The following STARD9 variants were observed in gnomAD, a reference collection of about 807,000 sequenced individuals.
STARD9 encodes stAR-related lipid transfer protein 9.
STARD9 carries 346 observed loss-of-function variants against 399.8 expected under a neutral mutation model. The ratio of observed to expected loss-of-function variants is 0.87; its 90% CI spans 0.79 to 0.95. The LOEUF (loss-of-function observed/expected upper bound fraction) is 0.95. Ranked by LOEUF, STARD9 falls within the 40% of genes least tolerant of loss-of-function variation. The probability of loss-of-function intolerance (pLI) is 0.00; values close to 1 mark genes in which losing one functional copy is unlikely to be tolerated. For synonymous variants in STARD9, 2,203 were observed against 2,143.5 expected (o/e 1.03, Z -0.77); for missense variants, 5,832 against 5,667.5 (o/e 1.03, Z -0.93).
intron 4 of STARD9, among the ~76,000 whole-genome samples, chr15:42,636,745 G>A (rs755276157): frequency 6.6e-6 from 1 of 152,090 alleles, no homozygotes; most frequent in Admixed American, 6.5e-5. Context: ...CCTGTGTTTA[G>A]TGTGATTTCA....
At chr15:42,575,794 T>C (rs1311230439) in intron 1 of STARD9, 32 bp downstream of exon 1, 1 of 1,535,516 alleles carries the variant, frequency 6.5e-7, no homozygotes, top group Non-Finnish European at 8.7e-7. Context: ...CGCCTGAGGC[T>C]TCACAGGAGC....
At chr15:42,577,389 G>A (rs1385684452) in intron 1 of STARD9, among the ~76,000 whole-genome samples, 1 of 152,160 alleles carries the variant, frequency 6.6e-6, no homozygotes, top group East Asian at 1.9e-4. Flanking sequence ...TCCTGACCTC[G>A]TGATCTGCCC....
chr15:42,691,977 A>C lies in STARD9; in HGVS notation c.10399A>C (p.Ser3467Arg). Residue 3467 changes from serine to arginine, a missense_variant, in exon 23 of 33, where the codon AGT (serine) becomes CGT (arginine). Ser to Arg is a moderately radical substitution (Grantham distance 110). Transcript: ENST00000290607. The part of the protein sequence containing the change: ...GMLHFGSSDI[S>R]PYALPWRPEE... ...GCTGCACTTTGGCTCCAGTGACATCAGTCCCTATGCGCTGCCGTGGCGTCC... is the reference window on the plus strand; with the variant it reads ...GCTGCACTTTGGCTCCAGTGACATCCGTCCCTATGCGCTGCCGTGGCGTCC... 1.3e-6 allele frequency: 2 copies of C among 1,537,284 alleles called. No individual in the cohort carries two copies. Among genetic ancestry groups the C allele is most frequent in the Non-Finnish European group, 1.7e-6 (2 of 1,146,908 alleles).
At chr15:42,592,692 C>A (rs1294824363) in intron 3 of STARD9, among the ~76,000 whole-genome samples, 1 of 152,206 alleles carries the variant, frequency 6.6e-6, no homozygotes, top group Admixed American at 6.5e-5. Flanking sequence ...GATCTGCCCA[C>A]CTCAGCCTCC....
chr15:42,626,468 C>T (rs2059225014), intron 3 of STARD9, among the ~76,000 whole-genome samples: 1 of 149,784 alleles, frequency 6.7e-6, no homozygotes, highest in Admixed American at 6.7e-5. Context: ...TCTCCTCTTC[C>T]TCCTCTTCAT....
intron 26 of STARD9, among the ~76,000 whole-genome samples, chr15:42,704,398 C>T (rs990224475): frequency 6.6e-6 from 1 of 152,110 alleles, no homozygotes; most frequent in African/African-American, 2.4e-5. Flanking sequence ...GGTCATAGTT[C>T]CCTTAATGTT....
At chr15:42,679,325 A>G (rs1182214635) in intron 20 of STARD9, among the ~76,000 whole-genome samples, 1 of 152,228 alleles carries the variant, frequency 6.6e-6, no homozygotes, top group Admixed American at 6.5e-5. Flanking sequence ...TCCAGTTGCT[A>G]TCCTGAGCCT....
intron 16 of STARD9, chr15:42,671,261 T>C (rs542290346): frequency 3.3e-5 from 5 of 151,038 alleles, no homozygotes; most frequent in African/African-American, 7.3e-5. Context: ...GCCTCCTGCA[T>C]AGCTGGGATT....
rs993807278 is a variant in STARD9 at position 42,716,176 on chromosome 15, C to T, written c.13285-501C>T. Among the ~76,000 whole-genome samples the T allele has an allele frequency of 5.3e-5, 8 of 152,242 alleles. No homozygotes were observed. The South Asian group carries it at 1.2e-3, about 24-fold the overall frequency. Reference sequence around the variant, plus strand: ...CCACATTGCAGATCCAGAGGGTAACCCCATCTAATCCCCAGTTAGGACCTT... The same window carrying T: ...CCACATTGCAGATCCAGAGGGTAACTCCATCTAATCCCCAGTTAGGACCTT... On this transcript the variant is annotated intron_variant, in intron 26 of 32. Coordinates refer to ENST00000290607, the MANE Select transcript of STARD9 (RefSeq NM_020759.3).
chr15:42,626,387 T>TTCCTCTTCCTCC (rs2059219900), intron 3 of STARD9, among the ~76,000 whole-genome samples: 1 of 147,748 alleles, frequency 6.8e-6, no homozygotes, highest in South Asian at 2.3e-4. Flanking sequence ...CTTCCTCCTC[T>TTCCTCTTCCTCC]TCCTCTTCCT....
intron 3 of STARD9, among the ~76,000 whole-genome samples, chr15:42,608,921 A>G (rs148929356): frequency 1.3e-5 from 2 of 152,338 alleles, no homozygotes; most frequent in East Asian, 3.9e-4. Context: ...TTATGTATTC[A>G]TGTATTCAGT....
At chr15:42,716,881 C>T in intron 27 of STARD9, 46 bp from the exon 28 acceptor site, 2 of 1,536,288 alleles carry the variant, frequency 1.3e-6, no homozygotes, top group Non-Finnish European at 8.7e-7. Flanking sequence ...TGTCCTGAGG[C>T]CCTGATGTTC....
Position 42,684,799 on chromosome 15 carries a change from C to A in STARD9, c.3221C>A (p.Thr1074Lys), listed in dbSNP as rs1292000560. 6.5e-7 allele frequency: 1 copy of A among 1,537,206 alleles called. No homozygotes were observed. Among genetic ancestry groups the A allele is most frequent in the South Asian group, 1.2e-5 (1 of 84,050 alleles). ...LGSPLKRQQNTRDPDTMVPLT... is the reference protein window; with the variant it reads ...LGSPLKRQQNKRDPDTMVPLT... ...AGTCCTTTGAAGAGACAACAAAATA[C>A]AAGGGACCCAGACACCATGGTCCCA... The change falls in exon 23 of 33, where the codon ACA (threonine) becomes AAA (lysine). Residue 1074 changes from threonine to lysine, a missense_variant. Thr to Lys is a moderately conservative substitution (Grantham distance 78). Around this residue, in one of 2 missense-constraint regions of STARD9, gnomAD observed 5,828 missense variants for 5,651.1 expected, o/e 1.03. Transcript: ENST00000290607.
At chr15:42,588,332 A>G (rs1266827114) in intron 3 of STARD9, among the ~76,000 whole-genome samples, 1 of 152,164 alleles carries the variant, frequency 6.6e-6, no homozygotes, top group Non-Finnish European at 1.5e-5. Flanking sequence ...GTGAAAGCCC[A>G]AAAGGCCATA....
intron 15 of STARD9, among the ~76,000 whole-genome samples, chr15:42,666,909 G>A (rs892983706): frequency 6.6e-6 from 1 of 151,798 alleles, no homozygotes; most frequent in African/African-American, 2.4e-5. Context: ...CCGCCTTCCA[G>A]GTTCAAGTGA....
chr15:42,639,463 C>T (rs1331486379), intron 7 of STARD9, among the ~76,000 whole-genome samples: 1 of 152,140 alleles, frequency 6.6e-6, no homozygotes, highest in Non-Finnish European at 1.5e-5. Flanking sequence ...GTGTTTGGTG[C>T]TTGGTACCAT....
chr15:42,699,392 C>CTTTTCTTTTTTTT lies in STARD9; in HGVS notation c.13284+3516_13284+3517insCTTTTTTTTTTTT, dbSNP rs1359323091. Among the ~76,000 whole-genome samples the CTTTTCTTTTTTTT allele has an allele frequency of 4.1e-4, 47 of 113,292 alleles. 3 individuals carry two copies. Among genetic ancestry groups the CTTTTCTTTTTTTT allele is most frequent in the African/African-American group, 1.9e-3 (46 of 24,552 alleles). 74.3% of individuals were successfully genotyped at this position (113,292 alleles called of 152,430 possible). The stretch of plus-strand genomic sequence containing the variant: ...TCTATGAGATCAACTTTTTTCTTTT[C>CTTTTCTTTTTTTT]TTTTTTTTTTTTTTTTTTTTGAGAT... On this transcript the variant is annotated intron_variant, in intron 26 of 32. Transcript: ENST00000290607.
chr15:42,669,683 A>C, intron 16 of STARD9: 1 of 186,134 alleles, frequency 5.4e-6, no homozygotes. Flanking sequence ...ATAGGGGTAT[A>C]GTCATGGAGA....
chr15:42,614,875 G>A (rs947794319), intron 3 of STARD9, among the ~76,000 whole-genome samples: 1 of 152,072 alleles, frequency 6.6e-6, no homozygotes, highest in Admixed American at 6.5e-5. Flanking sequence ...TGAGGCGGGA[G>A]AATCCCTTGA....
Sources: gnomAD v4.1 joint callset for allele counts (sites outside exome capture counted in the v4.1 genomes callset) on GRCh38, gnomAD v4.1.1 for gene constraint, gnomAD v4.1.1 regional missense constraint, MANE v1.5 for transcripts, NCBI Gene and HGNC (gene_info 2026-07-23, HGNC 2026-07-21) for gene names.